The following AFF4 variants were observed in gnomAD, a reference collection of about 807,000 sequenced individuals.
AFF4 encodes ALF transcription elongation factor 4.
Under a neutral mutation model 124.8 loss-of-function variants are expected in AFF4, and 13 were observed. The observed-to-expected ratio is 0.10, with a 90% confidence interval of 0.07 to 0.17. AFF4 has a LOEUF of 0.17. AFF4 is among the 10% of genes least tolerant of loss of function. AFF4 has a pLI of 1.00. For synonymous variants in AFF4, 477 were observed against 496.1 expected (o/e 0.96, Z 0.51); for missense variants, 1,092 against 1,403.8 (o/e 0.78, Z 3.55).
At chr5:132,884,643 C>A (rs1411968945) in intron 19 of AFF4, among the ~76,000 whole-genome samples, 2 of 152,174 alleles carry the variant, frequency 1.3e-5, no homozygotes, top group African/African-American at 2.4e-5. Flanking sequence ...TGAACAGATA[C>A]AATTTAAAAG....
chr5:132,957,215 C>G (rs1188201043), intron 1 of AFF4, among the ~76,000 whole-genome samples: 8 of 151,330 alleles, frequency 5.3e-5, no homozygotes, highest in Non-Finnish European at 1.2e-4. Context: ...GTGGCTCGTG[C>G]CTGTAGTCCT....
intron 5 of AFF4, among the ~76,000 whole-genome samples, chr5:132,906,220 A>C (rs1760668638): frequency 6.6e-6 from 1 of 152,172 alleles, no homozygotes; most frequent in Admixed American, 6.5e-5. Flanking sequence ...ATAAGTAAAC[A>C]CAGAGTTACC....
chr5:132,888,955 A>G (rs867912151), intron 14 of AFF4, 124 bp downstream of exon 14: 19 of 845,084 alleles, frequency 2.2e-5, no homozygotes, highest in Middle Eastern at 3.0e-4. Flanking sequence ...CTGGGCCTCC[A>G]AAAGAGCTGG....
At chr5:132,902,364 C>G (rs1020375764) in intron 7 of AFF4, 78 bp downstream of exon 7, 15 of 1,219,216 alleles carry the variant, frequency 1.2e-5, no homozygotes, top group Non-Finnish European at 1.7e-5. Context: ...TTTCTAAATA[C>G]TGTTCAAAAT....
intron 4 of AFF4, among the ~76,000 whole-genome samples, chr5:132,928,216 T>G (rs1347923035): frequency 6.8e-6 from 1 of 147,030 alleles, no homozygotes; most frequent in Non-Finnish European, 1.5e-5. Flanking sequence ...TTTATATATT[T>G]AAAAAAAAAC....
chr5:132,893,557 G>A (rs1384599874), intron 11 of AFF4, among the ~76,000 whole-genome samples: 3 of 151,696 alleles, frequency 2.0e-5, no homozygotes, highest in Admixed American at 6.6e-5. Flanking sequence ...TTGTTCTGTC[G>A]CCCAGGCTGG....
chr5:132,885,825 G>A (rs900074390), intron 18 of AFF4, among the ~76,000 whole-genome samples: 5 of 152,166 alleles, frequency 3.3e-5, no homozygotes, highest in African/African-American at 9.7e-5. Context: ...CCAGGCTGGA[G>A]TGCAGTGGCA....
At chr5:132,915,182 A>G (rs1262893009) in intron 5 of AFF4, among the ~76,000 whole-genome samples, 1 of 152,070 alleles carries the variant, frequency 6.6e-6, no homozygotes, top group East Asian at 1.9e-4. Flanking sequence ...TCTACTAAAA[A>G]TACAAAAAAT....
intron 5 of AFF4, among the ~76,000 whole-genome samples, chr5:132,920,958 T>C (rs1761029128): frequency 6.6e-6 from 1 of 151,878 alleles, no homozygotes; most frequent in African/African-American, 2.4e-5. Flanking sequence ...AAATCCCGTC[T>C]CTACTAAAAA....
At chr5:132,922,641 G>A (rs188709909) in intron 5 of AFF4, among the ~76,000 whole-genome samples, 9 of 148,438 alleles carry the variant, frequency 6.1e-5, no homozygotes, top group South Asian at 2.2e-4. Flanking sequence ...TTAGCTAGGC[G>A]TGGTGGCACG....
Position 132,896,413 on chromosome 5 carries a change from C to T in AFF4, c.2217G>A (p.Gly739=). The change falls in exon 11 of 21, where the codon GGG becomes GGA. Residue 739 remains glycine (G), a synonymous_variant. Transcript: ENST00000265343. ...GCTTTTCTGGCACATTTTTCTTTTC[C>T]CCCTTGGGCGGCTCTGTTTCTTTGT... ...KPYKETEPPK[G]EKKNVPEKHT... 1.9e-6 allele frequency: 3 copies of T among 1,613,814 alleles called. No homozygotes were observed. Among genetic ancestry groups the T allele is most frequent in the Non-Finnish European group, 2.5e-6 (3 of 1,179,958 alleles).
chr5:132,954,756 C>A (rs893602027), intron 1 of AFF4, among the ~76,000 whole-genome samples: 1 of 151,806 alleles, frequency 6.6e-6, no homozygotes, highest in African/African-American at 2.4e-5. Flanking sequence ...ACCGTTTTAG[C>A]CAGGATGGTC....
intron 1 of AFF4, among the ~76,000 whole-genome samples, chr5:132,952,287 A>G (rs1399543980): frequency 6.6e-6 from 1 of 152,188 alleles, no homozygotes; most frequent in Non-Finnish European, 1.5e-5. Flanking sequence ...TTCTGTTTCC[A>G]ATTTCCCAAC....
chr5:132,881,085 G>A lies in AFF4; in HGVS notation c.3466C>T (p.Arg1156Cys), dbSNP rs112871745. The A allele has an allele frequency of 6.8e-6, 11 of 1,613,620 alleles. No individual in the cohort carries two copies. The highest frequency in any genetic ancestry group is 6.7e-5 in the East Asian group (3 of 44,878). ...RYTRQGLHWL[R>C]QDAKLIS ...CAAGATATCAACTTGGCATCCTGGC[G>A]AAGCCAGTGCAGTCCCTGCCGGGTA... Residue 1156 changes from arginine to cysteine, a missense_variant, in exon 21 of 21, where the codon CGC becomes TGC. Arg to Cys is a radical substitution (Grantham distance 180, BLOSUM62 -3). Around this residue, in one of 11 missense-constraint regions of AFF4, gnomAD observed 173 missense variants for 294.9 expected, o/e 0.59. Coordinates refer to ENST00000265343, the MANE Select transcript of AFF4 (RefSeq NM_014423.4).
At chr5:132,940,693 C>A (rs1023800942) in intron 1 of AFF4, among the ~76,000 whole-genome samples, 1 of 152,084 alleles carries the variant, frequency 6.6e-6, no homozygotes, top group African/African-American at 2.4e-5. Context: ...CAAGTGAACA[C>A]TTATAAGGCT....
Position 132,897,251 on chromosome 5 carries a change from G to T in AFF4, c.1390-11C>A. ...TGGCGGGGGTTCAGGCTGAAAAACA[G>T]AGAAATATGTATGCTTTTTTCGATA... On this transcript the variant is annotated splice_polypyrimidine_tract_variant and intron_variant, in intron 10 of 20. Transcript: ENST00000265343. The T allele has an allele frequency of 6.2e-7, 1 of 1,608,262 alleles. No individual in the cohort carries two copies. Among genetic ancestry groups the T allele is most frequent in the South Asian group, 1.1e-5 (1 of 90,570 alleles).
At chr5:132,899,549 T>C in intron 8 of AFF4, 38 bp downstream of exon 8, 1 of 1,526,768 alleles carries the variant, frequency 6.5e-7, no homozygotes, top group Non-Finnish European at 8.9e-7. Flanking sequence ...ATGAAAATAC[T>C]ATATGAGACT....
chr5:132,932,514 GC>G (rs1251498526), intron 3 of AFF4, among the ~76,000 whole-genome samples: 1 of 152,132 alleles, frequency 6.6e-6, no homozygotes, highest in Non-Finnish European at 1.5e-5. Flanking sequence ...CAGGTGTGCA[GC>G]TTGTCTAAAA....
intron 5 of AFF4, among the ~76,000 whole-genome samples, chr5:132,915,133 T>C (rs1313571219): frequency 2.0e-5 from 3 of 151,972 alleles, no homozygotes; most frequent in Admixed American, 6.6e-5. Flanking sequence ...GGTCAGGAGA[T>C]GGTCTAGACC....
Sources: allele counts gnomAD v4.1 joint callset (sites outside exome capture counted in the v4.1 genomes callset), GRCh38; gene constraint gnomAD v4.1.1; regional missense constraint gnomAD v4.1.1; transcripts MANE v1.5; gene names NCBI Gene and HGNC (gene_info 2026-07-23, HGNC 2026-07-21).